Variants in DOCK2 observed in about 807,000 individuals in gnomAD.
The protein encoded by DOCK2 is dedicator of cytokinesis 2, also known as dedicator of cytokinesis protein 2.
DOCK2 carries 87 observed loss-of-function variants against 248.9 expected under a neutral mutation model. The ratio of observed to expected loss-of-function variants is 0.35; its 90% CI spans 0.29 to 0.42. DOCK2 has a LOEUF of 0.42. Among genes scored for constraint, DOCK2 ranks in the 10% least tolerant of loss-of-function variants. DOCK2 has a pLI of 1.00. For missense variants in DOCK2, 1,747 were observed against 2,300.2 expected (o/e 0.76, Z 4.92); for synonymous variants, 805 against 821.6 (o/e 0.98, Z 0.35).
chr5:169,852,547 G>A (rs1456720481), intron 27 of DOCK2, among the ~76,000 whole-genome samples: 1 of 152,180 alleles, frequency 6.6e-6, no homozygotes, highest in Non-Finnish European at 1.5e-5. Flanking sequence ...TCACAGTGCA[G>A]ATCCCCATTT....
At chr5:169,812,833 G>A (rs764054573) in intron 26 of DOCK2, among the ~76,000 whole-genome samples, 4 of 152,256 alleles carry the variant, frequency 2.6e-5, no homozygotes, top group Non-Finnish European at 4.4e-5. Flanking sequence ...CTGGGAGAAT[G>A]CAAGGCAGGC....
At chr5:170,074,349 A>G (rs1056061792) in intron 46 of DOCK2, among the ~76,000 whole-genome samples, 3 of 150,946 alleles carry the variant, frequency 2.0e-5, no homozygotes, top group African/African-American at 7.3e-5. Context: ...TGTCTTTCCT[A>G]TTGGAGACTT....
At chr5:169,953,929 G>T (rs1434745849) in intron 27 of DOCK2, among the ~76,000 whole-genome samples, 3 of 152,160 alleles carry the variant, frequency 2.0e-5, no homozygotes, top group Non-Finnish European at 4.4e-5. Flanking sequence ...CTCAAGAATT[G>T]TCTCACCAAT....
chr5:170,045,149 C>G (rs1397340247), intron 38 of DOCK2, among the ~76,000 whole-genome samples: 1 of 152,066 alleles, frequency 6.6e-6, no homozygotes, highest in Non-Finnish European at 1.5e-5. Flanking sequence ...TGCTACCTGA[C>G]TCTACTTCCA....
chr5:169,688,866 G>A (rs144237676), intron 8 of DOCK2, among the ~76,000 whole-genome samples: 5 of 152,158 alleles, frequency 3.3e-5, no homozygotes, highest in African/African-American at 7.2e-5. Flanking sequence ...GGAACGGGCC[G>A]GAAAGGGTAA....
Position 170,034,425 on chromosome 5 carries a change from C to T in DOCK2, c.3494C>T (p.Pro1165Leu). Residue 1165 changes from proline to leucine, a missense_variant, in exon 35 of 52, where the codon CCA becomes CTA. Around this residue, in one of 4 missense-constraint regions of DOCK2, gnomAD observed 858 missense variants for 1,183.5 expected, o/e 0.72. Coordinates refer to ENST00000520908, the MANE Select transcript of DOCK2 (RefSeq NM_004946.3). ...SILMECAAEH[P>L]TIAKSVENFV... ...CTGATGGAATGTGCTGCAGAGCACC[C>T]AACCATTGCCAAGTCGGTGGAGAAC... 1 of 1,614,144 alleles carries T rather than the reference C, an allele frequency of 6.2e-7. No individual in the cohort carries two copies. Among genetic ancestry groups the T allele is most frequent in the East Asian group, 2.2e-5 (1 of 44,876 alleles).
intron 46 of DOCK2, among the ~76,000 whole-genome samples, chr5:170,072,998 G>A (rs1023484462): frequency 1.3e-5 from 2 of 152,116 alleles, no homozygotes; most frequent in Non-Finnish European, 2.9e-5. Context: ...TTGATGAACA[G>A]CAGTTGTAAT....
chr5:169,670,309 C>A (rs1758976969), intron 3 of DOCK2, among the ~76,000 whole-genome samples: 1 of 152,064 alleles, frequency 6.6e-6, no homozygotes, highest in African/African-American at 2.4e-5. Context: ...AGATCTAGGG[C>A]TATTGTGGGA....
intron 27 of DOCK2, among the ~76,000 whole-genome samples, chr5:169,865,960 C>T (rs987199556): frequency 1.3e-5 from 2 of 152,198 alleles, no homozygotes; most frequent in Non-Finnish European, 2.9e-5. Context: ...CCATGCATGA[C>T]GAATGGAGCC....
At chr5:169,790,555 G>T (rs1766272084) in intron 25 of DOCK2, among the ~76,000 whole-genome samples, 1 of 152,194 alleles carries the variant, frequency 6.6e-6, no homozygotes, top group African/African-American at 2.4e-5. Flanking sequence ...TTGTTTGAAT[G>T]ATGCAGATAA....
chr5:169,926,643 A>G (rs976961732), intron 27 of DOCK2, among the ~76,000 whole-genome samples: 1 of 152,244 alleles, frequency 6.6e-6, no homozygotes, highest in Non-Finnish European at 1.5e-5. Context: ...GCATTATGCC[A>G]TACGTCACCC....
chr5:169,638,914 C>G (rs1318601463), intron 1 of DOCK2, among the ~76,000 whole-genome samples: 2 of 152,044 alleles, frequency 1.3e-5, no homozygotes, highest in Non-Finnish European at 2.9e-5. Context: ...AGAAAAGCAT[C>G]TAGAAGGGGA....
intron 25 of DOCK2, among the ~76,000 whole-genome samples, chr5:169,775,261 C>T (rs1405807390): frequency 6.6e-6 from 1 of 152,140 alleles, no homozygotes; most frequent in Non-Finnish European, 1.5e-5. Context: ...TTCTTTGCTA[C>T]TAAGGAAGCA....
At chr5:169,970,392 G>A (rs1261484384) in intron 27 of DOCK2, among the ~76,000 whole-genome samples, 1 of 152,212 alleles carries the variant, frequency 6.6e-6, no homozygotes, top group African/African-American at 2.4e-5. Flanking sequence ...TGGGCATCTG[G>A]ACAGCCCCCT....
intron 27 of DOCK2, among the ~76,000 whole-genome samples, chr5:169,937,368 T>C (rs1474734679): frequency 1.3e-5 from 2 of 152,222 alleles, no homozygotes; most frequent in East Asian, 3.8e-4. Context: ...CAACCTTGAA[T>C]AGATACTTCC....
chr5:169,909,160 A>C (rs17670333), intron 27 of DOCK2, among the ~76,000 whole-genome samples: 1 of 152,128 alleles, frequency 6.6e-6, no homozygotes. Context: ...TTCTTTATCT[A>C]TCAGGGCTCA....
At chr5:169,815,063 G>C (rs966119630) in intron 26 of DOCK2, among the ~76,000 whole-genome samples, 1 of 152,206 alleles carries the variant, frequency 6.6e-6, no homozygotes, top group African/African-American at 2.4e-5. Flanking sequence ...ATAGGAGCCT[G>C]TCCTGTTCTC....
At chr5:170,047,186 G>A (rs1756744289) in intron 39 of DOCK2, among the ~76,000 whole-genome samples, 1 of 152,140 alleles carries the variant, frequency 6.6e-6, no homozygotes. Flanking sequence ...AACCCTGAAT[G>A]CAACTAACTG....
intron 22 of DOCK2, among the ~76,000 whole-genome samples, chr5:169,740,822 G>T (rs1300942739): frequency 6.6e-6 from 1 of 152,072 alleles, no homozygotes; most frequent in Admixed American, 6.5e-5. Context: ...TCTGACCACT[G>T]TGTATGTGTT....
Sources: gnomAD v4.1 joint callset for allele counts (sites outside exome capture counted in the v4.1 genomes callset) on GRCh38, gnomAD v4.1.1 for gene constraint, gnomAD v4.1.1 regional missense constraint, MANE v1.5 for transcripts, NCBI Gene and HGNC (gene_info 2026-07-23, HGNC 2026-07-21) for gene names.